The following COL25A1 variants were observed in gnomAD, a reference collection of about 807,000 sequenced individuals.
COL25A1 encodes collagen alpha-1(XXV) chain.
In COL25A1, 103 loss-of-function variants were observed where a neutral mutation model predicts 128.4. That is an observed-to-expected ratio of 0.80 (90% CI 0.68 to 0.94). COL25A1 has a LOEUF of 0.94. Ranked by LOEUF, COL25A1 falls within the 40% of genes least tolerant of loss-of-function variation. COL25A1 has a pLI of 0.00. For missense variants in COL25A1, 745 were observed against 840.0 expected (o/e 0.89, Z 1.40); for synonymous variants, 279 against 277.2 (o/e 1.01, Z -0.06).
intron 33 of COL25A1, among the ~76,000 whole-genome samples, chr4:108,825,863 AT>A (rs907725810): frequency 1.3e-5 from 2 of 152,048 alleles, no homozygotes; most frequent in African/African-American, 2.4e-5. Context: ...TAATCCCCAA[AT>A]TTTTTTTAAA....
At chr4:108,885,579 A>G (rs1176618671) in intron 18 of COL25A1, among the ~76,000 whole-genome samples, 1 of 152,220 alleles carries the variant, frequency 6.6e-6, no homozygotes, top group African/African-American at 2.4e-5. Context: ...CACAGATATA[A>G]CATTATATAT....
chr4:109,094,130 C>T (rs1474687730), intron 3 of COL25A1, among the ~76,000 whole-genome samples: 1 of 152,164 alleles, frequency 6.6e-6, no homozygotes, highest in Non-Finnish European at 1.5e-5. Flanking sequence ...TTTTGTAAAA[C>T]CTTTCTACAT....
chr4:109,284,227 C>A (rs1578636045), intron 3 of COL25A1, among the ~76,000 whole-genome samples: 1 of 152,226 alleles, frequency 6.6e-6, no homozygotes, highest in Non-Finnish European at 1.5e-5. Flanking sequence ...GTGTTTGAGA[C>A]CAGCCTGGCC....
intron 3 of COL25A1, among the ~76,000 whole-genome samples, chr4:109,088,558 T>C (rs1764616180): frequency 6.6e-6 from 1 of 152,166 alleles, no homozygotes; most frequent in South Asian, 2.1e-4. Context: ...CCCATTCAAC[T>C]TGCACCCATG....
chr4:109,196,319 G>A (rs563865243), intron 3 of COL25A1, among the ~76,000 whole-genome samples: 3 of 152,238 alleles, frequency 2.0e-5, no homozygotes, highest in South Asian at 4.2e-4. Context: ...AAACAAAAAG[G>A]AGAAAGTTTT....
intron 3 of COL25A1, among the ~76,000 whole-genome samples, chr4:109,118,007 T>C (rs1005524998): frequency 6.6e-6 from 1 of 150,730 alleles, no homozygotes; most frequent in Non-Finnish European, 1.5e-5. Context: ...CAGAAAAAAA[T>C]GTAGAATATA....
At chr4:109,290,181 G>T (rs1724327746) in intron 3 of COL25A1, among the ~76,000 whole-genome samples, 1 of 152,024 alleles carries the variant, frequency 6.6e-6, no homozygotes, top group African/African-American at 2.4e-5. Flanking sequence ...AATGTGTCAT[G>T]AACTCACCCA....
intron 3 of COL25A1, among the ~76,000 whole-genome samples, chr4:109,197,876 C>T (rs1366384099): frequency 6.6e-6 from 1 of 152,004 alleles, no homozygotes; most frequent in Non-Finnish European, 1.5e-5. Context: ...AAGTAACTAA[C>T]AAGTACCAGT....
At chr4:109,098,566 G>C (rs1765604294) in intron 3 of COL25A1, among the ~76,000 whole-genome samples, 1 of 152,054 alleles carries the variant, frequency 6.6e-6, no homozygotes, top group Non-Finnish European at 1.5e-5. Context: ...TTCACTCTCT[G>C]GATGATAATT....
intron 3 of COL25A1, among the ~76,000 whole-genome samples, chr4:109,288,186 C>T (rs2126281979): frequency 6.6e-6 from 1 of 152,252 alleles, no homozygotes; most frequent in South Asian, 2.1e-4. Context: ...CTCAGCCTTA[C>T]TCAGGCCCAG....
intron 3 of COL25A1, among the ~76,000 whole-genome samples, chr4:109,084,213 G>C (rs6831413): frequency 0.024 from 3,609 of 152,128 alleles, 165 homozygotes; most frequent in African/African-American, 0.082. Context: ...GAAGTTCCTT[G>C]AGGGCAAAGG....
At chr4:109,021,158 A>G (rs1318537038) in intron 5 of COL25A1, among the ~76,000 whole-genome samples, 1 of 152,172 alleles carries the variant, frequency 6.6e-6, no homozygotes, top group Non-Finnish European at 1.5e-5. Flanking sequence ...TTTTTATGTC[A>G]TATCATGTCT....
chr4:108,877,492 T>C (rs995815724), intron 19 of COL25A1, among the ~76,000 whole-genome samples: 5 of 152,202 alleles, frequency 3.3e-5, no homozygotes, highest in African/African-American at 7.2e-5. Context: ...GATTTAGCTA[T>C]AGGAAAGTGG....
intron 13 of COL25A1, among the ~76,000 whole-genome samples, chr4:108,913,775 G>A (rs1744544962): frequency 6.6e-6 from 1 of 152,158 alleles, no homozygotes; most frequent in African/African-American, 2.4e-5. Context: ...AATCTATTTT[G>A]CCAAAAAATT....
At chr4:109,202,657 CAA>C (rs774110339) in intron 3 of COL25A1, among the ~76,000 whole-genome samples, 2 of 152,020 alleles carry the variant, frequency 1.3e-5, no homozygotes, top group African/African-American at 4.8e-5. Context: ...TCAGTATTCA[CAA>C]AAGACACTGT....
At chr4:108,971,211 G>A (rs933900961) in intron 8 of COL25A1, among the ~76,000 whole-genome samples, 1 of 151,900 alleles carries the variant, frequency 6.6e-6, no homozygotes, top group Admixed American at 6.6e-5. Flanking sequence ...TCTTACTCAG[G>A]TACCCATGAA....
intron 3 of COL25A1, among the ~76,000 whole-genome samples, chr4:109,181,524 G>A (rs866566837): frequency 5.3e-5 from 8 of 151,890 alleles, no homozygotes; most frequent in Admixed American, 5.3e-4. Flanking sequence ...TGAAAGTAAA[G>A]AACAATAGCT....
At chr4:108,815,231 A>G (rs1731140404) in intron 37 of COL25A1, among the ~76,000 whole-genome samples, 1 of 152,160 alleles carries the variant, frequency 6.6e-6, no homozygotes, top group Admixed American at 6.5e-5. Context: ...GATTTATACG[A>G]CTGCCACAAT....
chr4:108,838,562 T>C (rs2125744240), intron 31 of COL25A1, among the ~76,000 whole-genome samples: 1 of 152,246 alleles, frequency 6.6e-6, no homozygotes, highest in African/African-American at 2.4e-5. Flanking sequence ...TCTGCTGGAA[T>C]GGAAAACTGG....
Sources: gnomAD v4.1 joint callset for allele counts (sites outside exome capture counted in the v4.1 genomes callset) on GRCh38, gnomAD v4.1.1 for gene constraint, MANE v1.5 for transcripts, NCBI Gene and HGNC (gene_info 2026-07-23, HGNC 2026-07-21) for gene names.